SLC18A1: variants seen among roughly 807,000 people sequenced by gnomAD.
SLC18A1 encodes the protein solute carrier family 18 member A1.
A neutral mutation model predicts 53.7 loss-of-function variants in SLC18A1; 69 were observed. The ratio of observed to expected loss-of-function variants is 1.28; its 90% CI spans 1.06 to 1.57. The LOEUF is 1.57. Ranked by LOEUF, SLC18A1 falls within the 40% of genes most tolerant of loss-of-function variation. SLC18A1 has a pLI of 0.00. For missense variants in SLC18A1, 932 were observed against 668.1 expected (o/e 1.40, Z -4.35); for synonymous variants, 320 against 248.1 (o/e 1.29, Z -2.72).
In SLC18A1 at chr8:20,179,197, G is replaced by A. The variant is rs761259650; in HGVS notation, c.412C>T (p.Arg138Trp). Residue 138 changes from arginine (R) to tryptophan (W), a missense_variant, in exon 3 of 16, where the codon CGG (arginine) becomes TGG (tryptophan). Arg to Trp is a moderately radical substitution (Grantham distance 101). Coordinates refer to ENST00000276373, the MANE Select transcript of SLC18A1 (RefSeq NM_003053.4). ...GTGFLEEEIT[R>W]VGVLFASKAV... ...TTTGAAGCAAACAGAACCCCGACCCGGGTAATCTCTTCCTCCAAGAAACCT... is the reference window on the plus strand; with the variant it reads ...TTTGAAGCAAACAGAACCCCGACCCAGGTAATCTCTTCCTCCAAGAAACCT... 3.8e-5 allele frequency: 62 copies of A among 1,614,050 alleles called. No homozygotes were observed. Among genetic ancestry groups the A allele is most frequent in the African/African-American group, 5.3e-5 (4 of 74,918 alleles).
intron 8 of SLC18A1, among the ~76,000 whole-genome samples, chr8:20,166,372 T>G: frequency 7.2e-6 from 1 of 139,628 alleles, no homozygotes. Flanking sequence ...TTCTGTGAAC[T>G]AGTAGAGTAA....
intron 10 of SLC18A1, among the ~76,000 whole-genome samples, chr8:20,153,013 A>AGGAGGC (rs1364795883): frequency 2.0e-5 from 3 of 152,302 alleles, no homozygotes; most frequent in African/African-American, 7.2e-5. Context: ...CTCAATGAGT[A>AGGAGGC]GGAGGCAAAG....
rs532013085 is a variant in SLC18A1, at chr8:20,159,999, C to T, written c.1015+4870G>A. 3.4e-4 allele frequency among the ~76,000 whole-genome samples: 52 copies of T among 152,186 alleles called. No individual in the cohort carries two copies. In the South Asian group the frequency reaches 0.01, roughly 30 times the overall value. ...TGGATCTCACCAGCCCTTTTAATCC[C>T]TCTCTATACCTAGAAAAAAACAGTG... On this transcript the variant is annotated intron_variant, in intron 10 of 15. Coordinates refer to ENST00000276373, the MANE Select transcript of SLC18A1 (RefSeq NM_003053.4).
chr8:20,145,581 A>C lies in SLC18A1; in HGVS notation c.*182T>G. On this transcript the variant is annotated 3_prime_UTR_variant, in exon 16 of 16. Transcript: ENST00000276373. ...CACTGCGGCACCAAGGCATAGAGGA[A>C]GAGCTACAAGTTACACAGGTGAGAA... 4 of 434,246 alleles carry C rather than the reference A, an allele frequency of 9.2e-6. No individual in the cohort carries two copies. The highest frequency in any genetic ancestry group is 1.2e-5 in the Non-Finnish European group (3 of 244,496). 26.9% of individuals were successfully genotyped at this position (434,246 alleles called of 1,614,324 possible).
chr8:20,170,611 C>T (rs571309560), intron 8 of SLC18A1, among the ~76,000 whole-genome samples: 4 of 151,842 alleles, frequency 2.6e-5, no homozygotes, highest in African/African-American at 9.7e-5. Flanking sequence ...GACAGAATGA[C>T]AGTTAGGGAT....
At chr8:20,165,168 A>T (rs1213212459) in intron 8 of SLC18A1, 61 bp from the exon 9 acceptor site, 3 of 1,419,322 alleles carry the variant, frequency 2.1e-6, no homozygotes, top group Non-Finnish European at 3.0e-6. Context: ...TCCTATTTTC[A>T]CAGAATCTGA....
intron 10 of SLC18A1, among the ~76,000 whole-genome samples, chr8:20,161,838 C>T (rs2071837883): frequency 6.6e-6 from 1 of 152,166 alleles, no homozygotes; most frequent in South Asian, 2.1e-4. Context: ...AGCCCCATGT[C>T]TGTGGTCTTT....
intron 12 of SLC18A1, chr8:20,148,464 T>C: frequency 2.3e-6 from 3 of 1,290,450 alleles, no homozygotes; most frequent in Non-Finnish European, 3.0e-6. Flanking sequence ...GTTGCCTCTG[T>C]TTTCCATTAT....
intron 8 of SLC18A1, among the ~76,000 whole-genome samples, chr8:20,170,874 T>G (rs1468159821): frequency 1.3e-5 from 2 of 152,188 alleles, no homozygotes; most frequent in Non-Finnish European, 2.9e-5. Flanking sequence ...ATGGCTTCTT[T>G]GATTATGCAC....
Position 20,174,361 on chromosome 8 carries a change from C to G in SLC18A1, c.631G>C (p.Gly211Arg), listed in dbSNP as rs1356411280. ...GIGSSFSSVAGLGMLASVYTD... is the reference protein window; with the variant it reads ...GIGSSFSSVARLGMLASVYTD... ...GTGCATGATGAGTTGCCAGTGTTACCTGCAACAGATGAAAATGAAGATCCA... is the reference window on the plus strand; with the variant it reads ...GTGCATGATGAGTTGCCAGTGTTACGTGCAACAGATGAAAATGAAGATCCA... The change falls in exon 5 of 16, where the codon GGT becomes CGT. Residue 211 changes from glycine to arginine, a missense_variant and splice_region_variant. Gly to Arg is a moderately radical substitution (Grantham distance 125). Coordinates refer to ENST00000276373, the MANE Select transcript of SLC18A1 (RefSeq NM_003053.4). The G allele has an allele frequency of 3.7e-6, 6 of 1,609,400 alleles. No individual in the cohort carries two copies. The highest frequency in any genetic ancestry group is 5.1e-6 in the Non-Finnish European group (6 of 1,175,926).
intron 8 of SLC18A1, among the ~76,000 whole-genome samples, chr8:20,166,333 A>ATC (rs1295324127): frequency 1.7e-5 from 1 of 57,336 alleles, no homozygotes; most frequent in Non-Finnish European, 3.2e-5. Context: ...ATATATATAC[A>ATC]CCACCAGGTG....
chr8:20,155,836 C>T (rs961903042), intron 10 of SLC18A1, among the ~76,000 whole-genome samples: 1 of 152,180 alleles, frequency 6.6e-6, no homozygotes, highest in African/African-American at 2.4e-5. Context: ...GAGTCTTGCC[C>T]CTGGTGTCCC....
At chr8:20,171,257 T>A in intron 7 of SLC18A1, 111 bp from the exon 8 acceptor site, 1 of 1,374,162 alleles carries the variant, frequency 7.3e-7, no homozygotes, top group Non-Finnish European at 1.0e-6. Context: ...CTCCCTGAGT[T>A]TCTTCTTTCT....
chr8:20,182,639 C>T (rs1474021063), intron 1 of SLC18A1, among the ~76,000 whole-genome samples: 2 of 152,186 alleles, frequency 1.3e-5, no homozygotes, highest in African/African-American at 2.4e-5. Flanking sequence ...GTTGGGAGTA[C>T]CCCAAACACT....
At chr8:20,160,502 G>T (rs2071801640) in intron 10 of SLC18A1, among the ~76,000 whole-genome samples, 1 of 151,736 alleles carries the variant, frequency 6.6e-6, no homozygotes. Context: ...ATCTCTAAGG[G>T]GTGAGGGATT....
chr8:20,147,752 G>T lies in SLC18A1; in HGVS notation c.1211-30C>A, dbSNP rs776219895. 6.2e-6 allele frequency: 10 copies of T among 1,604,906 alleles called. No homozygotes were observed. In the South Asian group the frequency reaches 1.1e-4, roughly 18 times the overall value. ...GGCCAGAGCAAACAGGACACAGTCA[G>T]CCCCACCCACAGTTAGTACCACCCC... On this transcript the variant is annotated intron_variant, in intron 13 of 15. Coordinates refer to ENST00000276373, the MANE Select transcript of SLC18A1 (RefSeq NM_003053.4).
At chr8:20,155,087 A>T (rs2071650026) in intron 10 of SLC18A1, among the ~76,000 whole-genome samples, 1 of 152,120 alleles carries the variant, frequency 6.6e-6, no homozygotes, top group Non-Finnish European at 1.5e-5. Context: ...CACTCACCAC[A>T]TGGCCCAAGG....
chr8:20,179,457 T>C lies in SLC18A1; in HGVS notation c.152A>G (p.Asp51Gly). ...VVPIVPTFLY[D>G]MEFKEVNSSL... ...AGAGTTGACTTCTTTGAACTCCATG[T>C]CATATAGGAAGGTGGGCACAATTGG... Residue 51 changes from aspartate to glycine, a missense_variant, in exon 3 of 16, where the codon GAC becomes GGC. Transcript: ENST00000276373. 1.2e-6 allele frequency: 2 copies of C among 1,612,646 alleles called. No individual in the cohort carries two copies. Among genetic ancestry groups the C allele is most frequent in the Non-Finnish European group, 1.7e-6 (2 of 1,179,258 alleles).
intron 10 of SLC18A1, among the ~76,000 whole-genome samples, chr8:20,153,989 C>T (rs572870878): frequency 6.6e-6 from 1 of 152,284 alleles, no homozygotes; most frequent in East Asian, 1.9e-4. Flanking sequence ...TGGCGTGGTG[C>T]TGTCCCCATC....
Sources: gnomAD v4.1 joint callset for allele counts (sites outside exome capture counted in the v4.1 genomes callset) on GRCh38, gnomAD v4.1.1 for gene constraint, MANE v1.5 for transcripts, NCBI Gene and HGNC (gene_info 2026-07-23, HGNC 2026-07-21) for gene names.